The following IMPDH1 variants were observed in gnomAD, a reference collection of about 807,000 sequenced individuals.
IMPDH1 encodes the protein inosine monophosphate dehydrogenase 1.
Under a neutral mutation model 73.5 loss-of-function variants are expected in IMPDH1, and 41 were observed. The observed-to-expected ratio is 0.56, with a 90% confidence interval of 0.43 to 0.72. The LOEUF (loss-of-function observed/expected upper bound fraction) is 0.72. Ranked by LOEUF, IMPDH1 falls within the 30% of genes least tolerant of loss-of-function variation. The probability of loss-of-function intolerance (pLI) is 0.00; values close to 1 mark genes in which losing one functional copy is unlikely to be tolerated. For synonymous variants in IMPDH1, 318 were observed against 334.3 expected (o/e 0.95, Z 0.53); for missense variants, 645 against 824.8 (o/e 0.78, Z 2.67).
chr7:128,394,304 A>C lies in IMPDH1; in HGVS notation c.1752T>G (p.Ile584Met). Residue 584 changes from isoleucine (I) to methionine (M), a missense_variant, in exon 16 of 17, where the codon ATT becomes ATG. This residue lies in a region of IMPDH1 where 459 missense variants were observed against 638.2 expected (regional missense o/e 0.72). Coordinates refer to ENST00000338791, the MANE Select transcript of IMPDH1 (RefSeq NM_000883.4). The surrounding 1 kb of genome is among the most constrained non-coding windows in gnomAD (Gnocchi z 5.5). Reference protein sequence around the residue: ...KFEKRTMSAQIEGGVHGLHSY... With the variant: ...KFEKRTMSAQMEGGVHGLHSY... ...AGTGCAGGCCATGGACACCACCCTC[A>C]ATCTGGGCCGACATGGTCCGCTTCT... 1 of 1,614,058 alleles carries C rather than the reference A, an allele frequency of 6.2e-7. No individual in the cohort carries two copies. The highest frequency in any genetic ancestry group is 8.5e-7 in the Non-Finnish European group (1 of 1,179,988).
intron 3 of IMPDH1, among the ~76,000 whole-genome samples, chr7:128,407,877 C>A (rs1458544816): frequency 6.6e-6 from 1 of 152,118 alleles, no homozygotes; most frequent in Admixed American, 6.5e-5. Context: ...GGGTCACCTT[C>A]CCAGTGATTA....
At position 128,400,344 on chromosome 7, in the gene IMPDH1, G is replaced by A. The variant is rs762888264; in HGVS notation, c.775C>T (p.Leu259Phe). Residue 259 changes from leucine (L) to phenylalanine (F), a missense_variant, in exon 8 of 17, where the codon CTC becomes TTC. Coordinates refer to ENST00000338791, the MANE Select transcript of IMPDH1 (RefSeq NM_000883.4). ...DFLAEKDHTTLLSEVMTPRIE... is the reference protein window; with the variant it reads ...DFLAEKDHTTFLSEVMTPRIE... ...TGCCCTGCAGGTACCTCACTGAGGAGGGTGGTGTGGTCCTTCTCAGCAAGA... is the reference window on the plus strand; with the variant it reads ...TGCCCTGCAGGTACCTCACTGAGGAAGGTGGTGTGGTCCTTCTCAGCAAGA... The A allele has an allele frequency of 6.2e-7, 1 of 1,613,430 alleles. No individual in the cohort carries two copies. The highest frequency in any genetic ancestry group is 8.5e-7 in the Non-Finnish European group (1 of 1,179,652).
intron 4 of IMPDH1, among the ~76,000 whole-genome samples, chr7:128,404,418 G>C (rs986224494): frequency 6.6e-6 from 1 of 152,164 alleles, no homozygotes; most frequent in Non-Finnish European, 1.5e-5. Context: ...GGTGGGCCAC[G>C]GTCACAGCAA....
In IMPDH1 at chr7:128,409,770, G is replaced by A; in HGVS notation, c.132C>T (p.Gly44=). Residue 44 remains glycine (G), a synonymous_variant, in exon 1 of 17, where the codon GGC becomes GGT. Coordinates refer to ENST00000338791, the MANE Select transcript of IMPDH1 (RefSeq NM_000883.4). ...CTGGGCGTCACCTCTCGGGCTCGTA[G>A]CCGGCCTGCAGCAGTCGGGCGCTGT... The part of the protein sequence containing the change: ...QRYSARLLQA[G]YEPESPRLDL... 2.6e-6 allele frequency: 4 copies of A among 1,522,290 alleles called. No homozygotes were observed. Among genetic ancestry groups the A allele is most frequent in the Non-Finnish European group, 3.5e-6 (4 of 1,141,298 alleles). The allele number at this position is 1,522,290 out of a possible 1,614,324, so 94.3% of individuals were successfully genotyped here.
In IMPDH1 at chr7:128,405,761, G is replaced by C; in HGVS notation, c.353+6C>G. On this transcript the variant is annotated splice_donor_region_variant and intron_variant, in intron 4 of 16. Coordinates refer to ENST00000338791, the MANE Select transcript of IMPDH1 (RefSeq NM_000883.4). ...CGCACCTAGGGGTACGAGACCCGGC[G>C]CTTACTTGTAGGTGAGGCCGTCGGC... 1 of 1,535,668 alleles carries C rather than the reference G, an allele frequency of 6.5e-7. No homozygotes were observed. The highest frequency in any genetic ancestry group is 1.2e-5 in the South Asian group (1 of 82,708).
At chr7:128,403,175 T>A (rs1397828149) in intron 5 of IMPDH1, among the ~76,000 whole-genome samples, 1 of 152,008 alleles carries the variant, frequency 6.6e-6, no homozygotes, top group African/African-American at 2.4e-5. Flanking sequence ...CAGGCCTCAC[T>A]CAGGACACTC....
Position 128,398,566 on chromosome 7 carries a change from C to T in IMPDH1, c.922G>A (p.Ala308Thr), listed in dbSNP as rs1798092833. ...NDCDELVAII[A>T]RTDLKKNRDY... ...CGGTTCTTCTTCAGGTCGGTGCGGGCGATGATGGCCACCAGCTCATCGCAA... is the reference window on the plus strand; with the variant it reads ...CGGTTCTTCTTCAGGTCGGTGCGGGTGATGATGGCCACCAGCTCATCGCAA... The change falls in exon 10 of 17, where the codon GCC (alanine) becomes ACC (threonine). Residue 308 changes from alanine (A) to threonine (T), a missense_variant. Ala to Thr is a moderately conservative substitution (Grantham distance 58, BLOSUM62 0). Transcript: ENST00000338791. The surrounding 1 kb of genome is among the most constrained non-coding windows in gnomAD (Gnocchi z 4.3). 6.2e-7 allele frequency: 1 copy of T among 1,612,496 alleles called. No homozygotes were observed. Among genetic ancestry groups the T allele is most frequent in the Non-Finnish European group, 8.5e-7 (1 of 1,178,830 alleles).
intron 10 of IMPDH1, among the ~76,000 whole-genome samples, chr7:128,397,418 G>A (rs1449346317): frequency 2.0e-5 from 3 of 152,162 alleles, no homozygotes; most frequent in African/African-American, 2.4e-5. Flanking sequence ...GTTCCTCAAT[G>A]GACTGATATA....
chr7:128,397,651 A>C lies in IMPDH1; in HGVS notation c.1075-629T>G, dbSNP rs137880459. Among the ~76,000 whole-genome samples, 10 of 152,322 alleles carry C rather than the reference A, an allele frequency of 6.6e-5. 1 individual carries two copies. The East Asian group carries it at 1.9e-3, about 29-fold the overall frequency. ...TGGTCCAGATCACTCACAAGGGATC[A>C]ATAAGCCTTTATCTTTATTCTACCT... is the stretch of plus-strand genomic sequence containing the variant. On this transcript the variant is annotated intron_variant, in intron 10 of 16. Coordinates refer to ENST00000338791, the MANE Select transcript of IMPDH1 (RefSeq NM_000883.4).
chr7:128,407,396 A>G (rs1488146259), intron 3 of IMPDH1, among the ~76,000 whole-genome samples: 1 of 152,196 alleles, frequency 6.6e-6, no homozygotes, highest in Non-Finnish European at 1.5e-5. Context: ...CCGGATTGCC[A>G]GCGATGTGTG....
intron 12 of IMPDH1, among the ~76,000 whole-genome samples, chr7:128,395,567 G>T (rs973128411): frequency 6.6e-6 from 1 of 152,204 alleles, no homozygotes; most frequent in African/African-American, 2.4e-5. Flanking sequence ...AGCCTCACCT[G>T]CTCTCAAGGC....
chr7:128,394,867 G>T lies in IMPDH1; in HGVS notation c.1550+22C>A, dbSNP rs371087863. 2.6e-4 allele frequency: 423 copies of T among 1,610,596 alleles called. No homozygotes were observed. Among genetic ancestry groups the T allele is most frequent in the Admixed American group, 5.3e-4 (32 of 59,998 alleles). On this transcript the variant is annotated intron_variant, in intron 14 of 16. Coordinates refer to ENST00000338791, the MANE Select transcript of IMPDH1 (RefSeq NM_000883.4). The surrounding 1 kb of genome is among the most constrained non-coding windows in gnomAD (Gnocchi z 5.5). ...AAGGGTTGTGGGCTGATCTGCCCAG[G>T]TGGGGCCCAGGGTCAGGGAACCTGA...
intron 3 of IMPDH1, among the ~76,000 whole-genome samples, chr7:128,408,563 G>A (rs557866846): frequency 2.7e-4 from 11 of 40,414 alleles, no homozygotes; most frequent in Non-Finnish European, 5.5e-4. Flanking sequence ...GAGCCCAAGT[G>A]GGGGGTGCGG....
rs752024433 is a variant in IMPDH1 at position 128,396,914 on chromosome 7, A to G, written c.1165+18T>C. The stretch of plus-strand genomic sequence containing the variant: ...GGAGGGGCAGGAGCAGGCGGGTGGG[A>G]GGCGACCCCGCACTCACCGTTCCCC... On this transcript the variant is annotated intron_variant, in intron 11 of 16. Transcript: ENST00000338791. The surrounding 1 kb of genome is among the most constrained non-coding windows in gnomAD (Gnocchi z 4.0). 13 of 1,585,324 alleles carry G rather than the reference A, an allele frequency of 8.2e-6. No homozygotes were observed. In the East Asian group the frequency reaches 1.3e-4, roughly 16 times the overall value.
At position 128,396,197 on chromosome 7, in the gene IMPDH1, G is replaced by A. The variant is rs886283109; in HGVS notation, c.1261+403C>T. 1.3e-5 allele frequency among the ~76,000 whole-genome samples: 2 copies of A among 152,208 alleles called. No individual in the cohort carries two copies. Among genetic ancestry groups the A allele is most frequent in the African/African-American group, 4.8e-5 (2 of 41,456 alleles). On this transcript the variant is annotated intron_variant, in intron 12 of 16. Coordinates refer to ENST00000338791, the MANE Select transcript of IMPDH1 (RefSeq NM_000883.4). The surrounding 1 kb of genome is among the most constrained non-coding windows in gnomAD (Gnocchi z 4.0). Reference sequence around the variant, plus strand: ...CTGCAAAAGGGCTTTGTAATTGGGTGGAACTCCCCACGCCCAACCACATGG... The same window carrying A: ...CTGCAAAAGGGCTTTGTAATTGGGTAGAACTCCCCACGCCCAACCACATGG...
At chr7:128,404,515 G>A (rs1006400495) in intron 4 of IMPDH1, among the ~76,000 whole-genome samples, 1 of 152,120 alleles carries the variant, frequency 6.6e-6, no homozygotes, top group Non-Finnish European at 1.5e-5. Flanking sequence ...AATCACAGCA[G>A]GCCTTGAGAG....
At chr7:128,409,191 C>CA in intron 3 of IMPDH1, 98 bp downstream of exon 3, 1 of 1,105,366 alleles carries the variant, frequency 9.0e-7, no homozygotes, top group South Asian at 1.3e-5. Flanking sequence ...CTACAGACCC[C>CA]AGCATGGGGG....
intron 4 of IMPDH1, among the ~76,000 whole-genome samples, chr7:128,405,230 GAAT>G (rs1254923437): frequency 6.6e-6 from 1 of 152,248 alleles, no homozygotes; most frequent in Non-Finnish European, 1.5e-5. Flanking sequence ...AGCAGTCACA[GAAT>G]AATTCGCGCC....
chr7:128,403,400 A>C (rs566650697), intron 5 of IMPDH1, among the ~76,000 whole-genome samples: 1 of 152,210 alleles, frequency 6.6e-6, no homozygotes, highest in African/African-American at 2.4e-5. Context: ...TCCACTAAAA[A>C]CACAAAAATT....
Sources: allele counts gnomAD v4.1 joint callset (sites outside exome capture counted in the v4.1 genomes callset), GRCh38; gene constraint gnomAD v4.1.1; regional missense constraint gnomAD v4.1.1; non-coding constraint Gnocchi (gnomAD v3.1); transcripts MANE v1.5; gene names NCBI Gene and HGNC (gene_info 2026-07-23, HGNC 2026-07-21).